RSPO2: variants seen among roughly 807,000 people sequenced by gnomAD.
The protein encoded by RSPO2 is R-spondin-2.
Under a neutral mutation model 30.9 loss-of-function variants are expected in RSPO2, and 14 were observed. The observed-to-expected ratio is 0.45, with a 90% CI of 0.30 to 0.71. The LOEUF is 0.71. Ranked by LOEUF, RSPO2 falls within the 30% of genes least tolerant of loss-of-function variation. The pLI is 0.08. For synonymous variants in RSPO2, 107 were observed against 96.4 expected (o/e 1.11, Z -0.64); for missense variants, 264 against 301.9 (o/e 0.87, Z 0.93).
Position 107,972,596 on chromosome 8 carries a change from G to A in RSPO2, c.284-11779C>T, listed in dbSNP as rs559276424. On this transcript the variant is annotated intron_variant, in intron 3 of 5. Transcript: ENST00000276659. ...ATGTTTTGCCTTTAAGAAACAAAAG[G>A]TATGCACAGTCCTTAACCATAAACC... Among the ~76,000 whole-genome samples the A allele has an allele frequency of 5.0e-4, 76 of 152,036 alleles. 1 individual carries two copies. The South Asian group carries it at 5.8e-3, about 12-fold the overall frequency.
At chr8:107,988,029 C>T (rs2130521559) in intron 3 of RSPO2, among the ~76,000 whole-genome samples, 2 of 152,080 alleles carry the variant, frequency 1.3e-5, no homozygotes, top group African/African-American at 4.8e-5. Context: ...TCCTTTCTAT[C>T]CCCTAAAATT....
chr8:108,070,278 C>CT (rs1050611219), intron 2 of RSPO2, among the ~76,000 whole-genome samples: 3,750 of 81,142 alleles, frequency 0.046, 210 homozygotes, highest in South Asian at 0.12. Context: ...GACCCCATCT[C>CT]TTTTTTTTTT....
intron 2 of RSPO2, among the ~76,000 whole-genome samples, chr8:108,080,774 G>C (rs887021808): frequency 3.3e-5 from 5 of 152,194 alleles, no homozygotes; most frequent in Non-Finnish European, 7.3e-5. Context: ...ATAAGGATCT[G>C]GCAAAGGATT....
chr8:108,082,773 C>A lies in RSPO2; in HGVS notation c.-135G>T. On this transcript the variant is annotated 5_prime_UTR_variant, in exon 2 of 6. It removes the in-frame stop codon of an upstream open reading frame in the 5' UTR. Transcript: ENST00000276659. ...CCACTCACCCCCGGGCCGCACCGGT[C>A]AGTTCAGCGCGATCAGCATCTCTCC... 2 of 630,502 alleles carry A rather than the reference C, an allele frequency of 3.2e-6. No homozygotes were observed. Among genetic ancestry groups the A allele is most frequent in the South Asian group, 4.1e-5 (2 of 48,758 alleles). 39.1% of individuals were successfully genotyped at this position (630,502 alleles called of 1,614,324 possible).
chr8:107,966,769 T>A (rs1037553243), intron 3 of RSPO2, among the ~76,000 whole-genome samples: 1 of 152,164 alleles, frequency 6.6e-6, no homozygotes, highest in African/African-American at 2.4e-5. Context: ...GTCAATCAGA[T>A]AAATGAGAAA....
intron 3 of RSPO2, among the ~76,000 whole-genome samples, chr8:107,971,419 T>C (rs1813995199): frequency 1.3e-5 from 2 of 152,242 alleles, no homozygotes; most frequent in South Asian, 4.1e-4. Context: ...ATCAGTTTGA[T>C]ATAATCTATC....
chr8:107,937,158 T>G (rs1266143609), intron 5 of RSPO2, among the ~76,000 whole-genome samples: 2 of 151,572 alleles, frequency 1.3e-5, no homozygotes, highest in African/African-American at 4.8e-5. Flanking sequence ...TCAGTTGTTT[T>G]TTTTTTTTTT....
At chr8:108,047,150 T>C (rs979828697) in intron 2 of RSPO2, among the ~76,000 whole-genome samples, 1 of 152,218 alleles carries the variant, frequency 6.6e-6, no homozygotes, top group African/African-American at 2.4e-5. Flanking sequence ...CAATTGGTAA[T>C]ATTTTTATCA....
At chr8:108,065,662 A>T (rs1586673809) in intron 2 of RSPO2, among the ~76,000 whole-genome samples, 1 of 96,696 alleles carries the variant, frequency 1.0e-5, no homozygotes, top group South Asian at 3.8e-4. Context: ...GAAGGAATAA[A>T]AAAAAAAAAA....
At chr8:107,994,651 C>A (rs547254664) in intron 2 of RSPO2, among the ~76,000 whole-genome samples, 4 of 152,016 alleles carry the variant, frequency 2.6e-5, no homozygotes, top group Non-Finnish European at 5.9e-5. Flanking sequence ...GTTTTCACTA[C>A]GCCAAGCAAG....
At chr8:107,919,035 G>T (rs1260343812) in intron 5 of RSPO2, among the ~76,000 whole-genome samples, 1 of 152,054 alleles carries the variant, frequency 6.6e-6, no homozygotes, top group Non-Finnish European at 1.5e-5. Flanking sequence ...TAAAACTATA[G>T]ATAACAATAC....
intron 2 of RSPO2, among the ~76,000 whole-genome samples, chr8:108,071,640 G>A (rs1485183812): frequency 6.6e-6 from 1 of 152,164 alleles, no homozygotes; most frequent in Non-Finnish European, 1.5e-5. Context: ...CTTCATTCCA[G>A]TTACCCAACC....
At chr8:107,969,916 C>G (rs774367039) in intron 3 of RSPO2, among the ~76,000 whole-genome samples, 3 of 152,050 alleles carry the variant, frequency 2.0e-5, no homozygotes, top group Non-Finnish European at 4.4e-5. Flanking sequence ...AGCTTCAGAC[C>G]TGCATCTTAG....
intron 2 of RSPO2, among the ~76,000 whole-genome samples, chr8:108,042,858 TCCTTCCTTCA>T (rs1811798487): frequency 6.6e-6 from 1 of 152,112 alleles, no homozygotes; most frequent in African/African-American, 2.4e-5. Context: ...CTTTAGACCC[TCCTTCCTTCA>T]CATGATAGCT....
intron 2 of RSPO2, among the ~76,000 whole-genome samples, chr8:108,053,057 T>C (rs976622620): frequency 1.3e-5 from 2 of 152,000 alleles, no homozygotes. Context: ...AGGATATGAG[T>C]AGGAATAAAG....
chr8:108,008,434 A>G (rs1473496776), intron 2 of RSPO2, among the ~76,000 whole-genome samples: 2 of 152,132 alleles, frequency 1.3e-5, no homozygotes, highest in East Asian at 3.9e-4. Context: ...CTGAGGATTC[A>G]GCTCCACAAA....
intron 2 of RSPO2, among the ~76,000 whole-genome samples, chr8:108,018,588 A>C (rs1206077067): frequency 1.3e-5 from 2 of 152,234 alleles, no homozygotes; most frequent in Non-Finnish European, 2.9e-5. Context: ...GACATTATCC[A>C]GGCCTAAGGA....
chr8:108,043,018 A>G (rs2130660535), intron 2 of RSPO2, among the ~76,000 whole-genome samples: 2 of 152,296 alleles, frequency 1.3e-5, no homozygotes, highest in Admixed American at 1.3e-4. Flanking sequence ...CATCCTGAGT[A>G]TACAAAAAAA....
At chr8:107,953,786 G>A (rs2130419962) in intron 5 of RSPO2, among the ~76,000 whole-genome samples, 1 of 152,152 alleles carries the variant, frequency 6.6e-6, no homozygotes, top group South Asian at 2.1e-4. Flanking sequence ...GAGAATCAAG[G>A]ATGCTCCAAA....
Sources: allele counts gnomAD v4.1 joint callset (sites outside exome capture counted in the v4.1 genomes callset), GRCh38; gene constraint gnomAD v4.1.1; transcripts MANE v1.5; gene names NCBI Gene and HGNC (gene_info 2026-07-23, HGNC 2026-07-21).